NDUFAF6: variants seen among roughly 807,000 people sequenced by gnomAD.
NDUFAF6 encodes the protein NADH:ubiquinone oxidoreductase complex assembly factor 6.
NDUFAF6 carries 45 observed loss-of-function variants against 40.8 expected under a neutral mutation model. The observed-to-expected ratio is 1.10, with a 90% CI of 0.87 to 1.42. NDUFAF6 has a LOEUF of 1.42. Ranked by LOEUF, NDUFAF6 falls within the 40% of genes most tolerant of loss-of-function variation. The pLI, the probability that NDUFAF6 is intolerant of heterozygous loss-of-function variation, is 0.00. For missense variants in NDUFAF6, 435 were observed against 418.5 expected, an observed-to-expected ratio of 1.04 and a Z score of -0.34; for synonymous variants, 185 against 155.9, an observed-to-expected ratio of 1.19 and a Z score of -1.39.
chr8:94,933,772 C>T (rs1313067403), intron 1 of NDUFAF6, among the ~76,000 whole-genome samples: 1 of 135,142 alleles, frequency 7.4e-6, no homozygotes, highest in Admixed American at 7.8e-5. Flanking sequence ...CAAAAAAAAC[C>T]CCCAAAAAAA....
chr8:95,007,869 C>T (rs1157054490), intron 2 of NDUFAF6, among the ~76,000 whole-genome samples: 1 of 151,924 alleles, frequency 6.6e-6, no homozygotes, highest in African/African-American at 2.4e-5. Flanking sequence ...GCACTACAGG[C>T]ACACGCCACC....
intron 2 of NDUFAF6, among the ~76,000 whole-genome samples, chr8:94,946,066 C>T (rs1017604292): frequency 4.0e-5 from 6 of 151,466 alleles, no homozygotes; most frequent in African/African-American, 1.5e-4. Context: ...TATTCCATTG[C>T]CTTGTTCCCA....
At chr8:95,079,642 G>A (rs544125117), downstream of NDUFAF6, among the ~76,000 whole-genome samples, 1 of 151,928 alleles carries the variant, frequency 6.6e-6, no homozygotes, top group East Asian at 1.9e-4. Flanking sequence ...TAAACTATAG[G>A]ACCAAACTCT....
chr8:94,898,023 A>C (rs751108480), intron 1 of NDUFAF6, among the ~76,000 whole-genome samples: 6 of 152,188 alleles, frequency 3.9e-5, no homozygotes, highest in Admixed American at 1.3e-4. Context: ...AGGCTTTTAA[A>C]AACATTAATA....
chr8:95,101,540 T>C (rs939588457), intron 2 of NDUFAF6, among the ~76,000 whole-genome samples: 99 of 152,210 alleles, frequency 6.5e-4, no homozygotes, highest in Non-Finnish European at 2.1e-4. Flanking sequence ...ATGAACTGTC[T>C]CTGTAACTTC....
At chr8:95,024,859 G>A (rs539802124), upstream of NDUFAF6, 496 of 667,572 alleles carry the variant, frequency 7.4e-4, 2 homozygotes, top group African/African-American at 8.5e-3. Context: ...CAGATGCAGA[G>A]GACCACAGCG....
chr8:95,064,736 T>A (rs1832661222), intron 9 of NDUFAF6, among the ~76,000 whole-genome samples: 1 of 152,076 alleles, frequency 6.6e-6, no homozygotes, highest in African/African-American at 2.4e-5. Context: ...AAGACTCTAA[T>A]CTTCCCTCAC....
At chr8:95,024,673 G>A (rs1043846924), upstream of NDUFAF6, among the ~76,000 whole-genome samples, 1 of 152,272 alleles carries the variant, frequency 6.6e-6, no homozygotes, top group Admixed American at 6.5e-5. Flanking sequence ...GGGTATAGGG[G>A]CGGCGGGGCG....
chr8:94,923,190 G>A (rs150961075), intron 1 of NDUFAF6, among the ~76,000 whole-genome samples: 12 of 152,332 alleles, frequency 7.9e-5, no homozygotes, highest in Non-Finnish European at 1.6e-4. Context: ...CAACCTGAAT[G>A]TTTCTGATAG....
chr8:95,060,783 CA>C (rs1832552904), downstream of NDUFAF6, among the ~76,000 whole-genome samples: 1 of 152,158 alleles, frequency 6.6e-6, no homozygotes, highest in Non-Finnish European at 1.5e-5. Flanking sequence ...TTTAAAAGCT[CA>C]AAGGCACATT....
chr8:94,979,502 C>A (rs1825237033), intron 1 of NDUFAF6, among the ~76,000 whole-genome samples: 1 of 152,130 alleles, frequency 6.6e-6, no homozygotes, highest in Non-Finnish European at 1.5e-5. Context: ...AAAATCTCTT[C>A]CTGGGGTCTT....
intron 2 of NDUFAF6, among the ~76,000 whole-genome samples, chr8:94,997,341 CACAGAGAGAGAG>C (rs1182096590): frequency 1.3e-4 from 12 of 91,798 alleles, no homozygotes; most frequent in Non-Finnish European, 2.6e-4. Context: ...CACACACACA[CACAGAGAGAGAG>C]AGAGAGAGAG....
At chr8:95,081,143 C>CTTTTTTTTTTTTTTTTTT, downstream of NDUFAF6, among the ~76,000 whole-genome samples, 1 of 57,712 alleles carries the variant, frequency 1.7e-5, no homozygotes, top group Non-Finnish European at 2.9e-5. Context: ...AGTCCTGCAT[C>CTTTTTTTTTTTTTTTTTT]TTTTTTTTTT....
At chr8:94,992,516 A>G (rs115340887) in intron 2 of NDUFAF6, among the ~76,000 whole-genome samples, 1,533 of 152,280 alleles carry the variant, frequency 0.01, 28 homozygotes, top group African/African-American at 0.035. Context: ...ATGTTAAAAA[A>G]GTTTACATAT....
At chr8:95,005,552 TA>T (rs869215515) in intron 2 of NDUFAF6, among the ~76,000 whole-genome samples, 1 of 112,168 alleles carries the variant, frequency 8.9e-6, no homozygotes. Flanking sequence ...TATATATATA[TA>T]AAAAATATAT....
chr8:95,082,497 T>G (rs1808902742), intron 2 of NDUFAF6, among the ~76,000 whole-genome samples: 1 of 151,226 alleles, frequency 6.6e-6, no homozygotes, highest in African/African-American at 2.4e-5. Flanking sequence ...CTTAATACAC[T>G]GTATGATTTC....
At chr8:95,000,175 A>G (rs1826654992) in intron 2 of NDUFAF6, among the ~76,000 whole-genome samples, 1 of 152,126 alleles carries the variant, frequency 6.6e-6, no homozygotes, top group Non-Finnish European at 1.5e-5. Flanking sequence ...CATCTCTACA[A>G]AAAATACAAT....
intron 2 of NDUFAF6, among the ~76,000 whole-genome samples, chr8:94,987,449 C>T (rs964713554): frequency 2.0e-5 from 3 of 152,180 alleles, no homozygotes; most frequent in African/African-American, 4.8e-5. Context: ...CTCCTTCCCC[C>T]AAAGAGGTCC....
intron 1 of NDUFAF6, among the ~76,000 whole-genome samples, chr8:94,915,325 G>A (rs1313629135): frequency 1.3e-5 from 2 of 152,086 alleles, no homozygotes; most frequent in African/African-American, 4.8e-5. Flanking sequence ...CTGATACTTG[G>A]TTTTCTGTTT....
Sources: gnomAD v4.1 joint callset for allele counts (sites outside exome capture counted in the v4.1 genomes callset) on GRCh38, gnomAD v4.1.1 for gene constraint, MANE v1.5 for transcripts, NCBI Gene and HGNC (gene_info 2026-07-23, HGNC 2026-07-21) for gene names.